RFX1: variants seen among roughly 807,000 people sequenced by gnomAD.
RFX1 encodes the protein regulatory factor X1.
RFX1 carries 42 observed loss-of-function variants against 119.6 expected under a neutral mutation model. The observed-to-expected ratio is 0.35, with a 90% CI of 0.27 to 0.45. RFX1 has a LOEUF of 0.45. RFX1 is among the 20% of genes least tolerant of loss of function. RFX1 has a pLI of 1.00. For synonymous variants in RFX1, 628 were observed against 618.5 expected (o/e 1.02, Z -0.23); for missense variants, 1,118 against 1,368.1 (o/e 0.82, Z 2.88).
intron 8 of RFX1, among the ~76,000 whole-genome samples, chr19:13,975,214 G>A (rs1273368315): frequency 2.0e-4 from 30 of 151,676 alleles, no homozygotes; most frequent in Admixed American, 2.0e-3. Context: ...AAAGTTAGCC[G>A]GGTGTGGTGG....
chr19:14,002,560 G>A (rs1214430083), intron 1 of RFX1, among the ~76,000 whole-genome samples: 2 of 152,102 alleles, frequency 1.3e-5, no homozygotes, highest in South Asian at 2.1e-4. Context: ...GACTCTTACT[G>A]TCCAGGCAGC....
chr19:13,979,301 A>AG, intron 7 of RFX1, 146 bp downstream of exon 7: 1 of 506,248 alleles, frequency 2.0e-6, no homozygotes, highest in Non-Finnish European at 3.4e-6. Flanking sequence ...CTGAGCTGCC[A>AG]GGGGGCCGGG....
At position 13,966,077 on chromosome 19, in the gene RFX1, G is replaced by T. The variant is rs1009121149; in HGVS notation, c.1962-300C>A. 6.6e-6 allele frequency among the ~76,000 whole-genome samples: 1 copy of T among 152,114 alleles called. No homozygotes were observed. Among genetic ancestry groups the T allele is most frequent in the Non-Finnish European group, 1.5e-5 (1 of 67,998 alleles). On this transcript the variant is annotated intron_variant, in intron 14 of 20. Transcript: ENST00000254325. The surrounding 1 kb of genome is among the most constrained non-coding windows in gnomAD (Gnocchi z 6.3). Reference sequence around the variant, plus strand: ...AAGGGCACAGGTACCCCCGTCCCCAGGTAAGTACCCCCTGCCTCCCAAAGA... The same window carrying T: ...AAGGGCACAGGTACCCCCGTCCCCATGTAAGTACCCCCTGCCTCCCAAAGA...
rs963418912 is a variant in RFX1 at position 13,971,576 on chromosome 19, A to G, written c.1314+1167T>C. The stretch of plus-strand genomic sequence containing the variant: ...CCCTGTTCAGGAAGCTCCCCATGGC[A>G]GTGCTGGCTTCTCTCTGCCCTCATT... On this transcript the variant is annotated intron_variant, in intron 9 of 20. Transcript: ENST00000254325. 2.6e-5 allele frequency among the ~76,000 whole-genome samples: 4 copies of G among 152,176 alleles called. No homozygotes were observed. In the East Asian group the frequency reaches 7.7e-4, roughly 29 times the overall value.
chr19:14,003,542 G>A (rs376078543), intron 1 of RFX1, among the ~76,000 whole-genome samples: 1 of 152,186 alleles, frequency 6.6e-6, no homozygotes, highest in South Asian at 2.1e-4. Flanking sequence ...GACAATCACC[G>A]TAACAGCAGA....
At position 13,995,287 on chromosome 19, in the gene RFX1, G is replaced by A. The variant is rs545567783; in HGVS notation, c.-52-1392C>T. Among the ~76,000 whole-genome samples the A allele has an allele frequency of 3.9e-5, 6 of 152,114 alleles. No individual in the cohort carries two copies. In the East Asian group the frequency reaches 7.8e-4, roughly 20 times the overall value. The stretch of plus-strand genomic sequence containing the variant: ...GGGGAAAGCTGCCTCCCAGGGACCC[G>A]TGCCAGTTCCCTACGTGCCTGCCAT... On this transcript the variant is annotated intron_variant, in intron 1 of 20. Transcript: ENST00000254325.
At chr19:14,005,377 G>A (rs1436032826) in intron 1 of RFX1, among the ~76,000 whole-genome samples, 1 of 152,230 alleles carries the variant, frequency 6.6e-6, no homozygotes, top group Non-Finnish European at 1.5e-5. Flanking sequence ...GCAGGTTTAG[G>A]AGTGGGCTGC....
Position 13,968,891 on chromosome 19 carries a change from G to A in RFX1, c.1500C>T (p.Gly500=). ...GLRTRRLGTR[G]NSKYHYYGLR... is the part of the protein sequence containing the mutation. ...GGCCATAGTAGTGGTACTTGGAGTT[G>A]CCCCTGGGAGGGAGGTGGAGGGGAA... The change falls in exon 11 of 21, where the codon GGC becomes GGT. Residue 500 remains glycine, a synonymous_variant. Coordinates refer to ENST00000254325, the MANE Select transcript of RFX1 (RefSeq NM_002918.5). This position sits in a 1 kb window ranked among gnomAD's most constrained non-coding sequence, Gnocchi z 5.5. 6.5e-7 allele frequency: 1 copy of A among 1,549,332 alleles called. No homozygotes were observed. The highest frequency in any genetic ancestry group is 8.7e-7 in the Non-Finnish European group (1 of 1,146,772).
rs1974011642 is a variant in RFX1 at position 13,969,672 on chromosome 19, A to C, written c.1496+322T>G. ...AGACTCTTGTCTCCAAAAAAAAAAA[A>C]AAGTCACGTGTGAGCGTGCTGAATG... On this transcript the variant is annotated intron_variant, in intron 10 of 20. Transcript: ENST00000254325. This position sits in a 1 kb window ranked among gnomAD's most constrained non-coding sequence, Gnocchi z 4.5. 1 of 258,022 alleles carries C rather than the reference A, an allele frequency of 3.9e-6. No individual in the cohort carries two copies. The highest frequency in any genetic ancestry group is 2.2e-5 in the African/African-American group (1 of 45,172). 16.0% of individuals were successfully genotyped at this position (258,022 alleles called of 1,614,324 possible).
intron 1 of RFX1, among the ~76,000 whole-genome samples, chr19:13,995,530 C>G (rs1411271727): frequency 6.6e-6 from 1 of 152,176 alleles, no homozygotes; most frequent in Non-Finnish European, 1.5e-5. Flanking sequence ...GCACTGAGAA[C>G]CTGGCAGCTG....
intron 19 of RFX1, 33 bp from the exon 20 acceptor site, chr19:13,963,072 T>A (rs1226009189): frequency 1.9e-6 from 3 of 1,594,738 alleles, no homozygotes; most frequent in Non-Finnish European, 2.6e-6. Flanking sequence ...TGGGTGAGGG[T>A]CCCGCCGCCT....
At chr19:13,975,469 T>C (rs924666259) in intron 8 of RFX1, among the ~76,000 whole-genome samples, 2 of 149,198 alleles carry the variant, frequency 1.3e-5, no homozygotes, top group Non-Finnish European at 3.0e-5. Context: ...CAGGCCCGAG[T>C]GGTTGTGGGT....
chr19:14,006,785 A>G (rs1385580997), upstream of RFX1: 2 of 152,270 alleles, frequency 1.3e-5, no homozygotes, highest in African/African-American at 4.8e-5. Flanking sequence ...ACTCCGCTCC[A>G]GACTTCTCTC....
At chr19:13,964,585 G>A (rs1391199324) in intron 16 of RFX1, among the ~76,000 whole-genome samples, 1 of 152,130 alleles carries the variant, frequency 6.6e-6, no homozygotes, top group Non-Finnish European at 1.5e-5. Context: ...GGGTTCAAGC[G>A]ATTCTCGTGC....
chr19:13,962,546 T>G lies in RFX1; in HGVS notation c.*149A>C. The G allele has an allele frequency of 1.6e-6, 1 of 639,666 alleles. No homozygotes were observed. Among genetic ancestry groups the G allele is most frequent in the Non-Finnish European group, 2.6e-6 (1 of 391,060 alleles). 39.6% of individuals were successfully genotyped at this position (639,666 alleles called of 1,614,324 possible). A position where few individuals can be genotyped will look rare whatever the true frequency, so the allele number is the denominator to read the frequency against. ...CAGCCCACTGATTGTGCCGGCCCCA[T>G]AAGGGAGGAGGGCCCCGGTCTTCCC... is the stretch of plus-strand genomic sequence containing the variant. On this transcript the variant is annotated 3_prime_UTR_variant, in exon 21 of 21. Coordinates refer to ENST00000254325, the MANE Select transcript of RFX1 (RefSeq NM_002918.5).
chr19:13,976,663 A>C (rs1421214940), intron 8 of RFX1, among the ~76,000 whole-genome samples: 2 of 152,216 alleles, frequency 1.3e-5, no homozygotes, highest in Non-Finnish European at 2.9e-5. Flanking sequence ...CCAGGAAAGA[A>C]ATAAGGTATG....
intron 4 of RFX1, 33 bp downstream of exon 4, chr19:13,983,154 T>G (rs376775546): frequency 2.0e-6 from 3 of 1,501,646 alleles, no homozygotes. Flanking sequence ...TGAGGGAGCC[T>G]TCCAGGGTGG....
At position 13,985,163 on chromosome 19, in the gene RFX1, A is replaced by G. The variant is rs1974553038; in HGVS notation, c.320-1568T>C. On this transcript the variant is annotated intron_variant, in intron 2 of 20. Coordinates refer to ENST00000254325, the MANE Select transcript of RFX1 (RefSeq NM_002918.5). This position sits in a 1 kb window ranked among gnomAD's most constrained non-coding sequence, Gnocchi z 4.3. ...CGGCGTGAGCCACTGTGCCTGGCTG[A>G]CAGTAAGAGCTTTCCGGGATTTTTT... Among the ~76,000 whole-genome samples, 1 of 150,570 alleles carries G rather than the reference A, an allele frequency of 6.6e-6. No homozygotes were observed. The highest frequency in any genetic ancestry group is 6.6e-5 in the Admixed American group (1 of 15,122).
chr19:13,982,684 GTCT>G (rs1264343509), intron 4 of RFX1, among the ~76,000 whole-genome samples: 1 of 152,170 alleles, frequency 6.6e-6, no homozygotes, highest in Non-Finnish European at 1.5e-5. Context: ...CACACCTGTA[GTCT>G]CAGCTACTCA....
Sources: gnomAD v4.1 joint callset for allele counts (sites outside exome capture counted in the v4.1 genomes callset) on GRCh38, gnomAD v4.1.1 for gene constraint, Gnocchi (gnomAD v3.1) non-coding constraint, MANE v1.5 for transcripts, NCBI Gene and HGNC (gene_info 2026-07-23, HGNC 2026-07-21) for gene names.